The following GRIN1 variants were observed in gnomAD, a reference collection of about 807,000 sequenced individuals.
GRIN1 encodes glutamate receptor ionotropic, NMDA 1.
Under a neutral mutation model 103.0 loss-of-function variants are expected in GRIN1, and 38 were observed. That is an observed-to-expected ratio of 0.37 (90% CI 0.28 to 0.48). The LOEUF is 0.48. Among genes scored for constraint, GRIN1 ranks in the 20% least tolerant of loss-of-function variants. The probability of loss-of-function intolerance (pLI) is 0.98; values close to 1 mark genes in which losing one functional copy is unlikely to be tolerated. For synonymous variants in GRIN1, 544 were observed against 532.7 expected (o/e 1.02, Z -0.29); for missense variants, 577 against 1,288.9 (o/e 0.45, Z 8.46).
intron 3 of GRIN1, among the ~76,000 whole-genome samples, chr9:137,148,691 C>G (rs1832679937): frequency 6.6e-6 from 1 of 152,240 alleles, no homozygotes; most frequent in Non-Finnish European, 1.5e-5. Flanking sequence ...CCTCCTGAGT[C>G]TGGGTCCACT....
In GRIN1 at chr9:137,163,265, G is replaced by A. The variant is rs772050941; in HGVS notation, c.2268G>A (p.Ser756=). 1 of 1,613,766 alleles carries A rather than the reference G, an allele frequency of 6.2e-7. No individual in the cohort carries two copies. Among genetic ancestry groups the A allele is most frequent in the Non-Finnish European group, 8.5e-7 (1 of 1,179,956 alleles). Reference sequence around the variant, plus strand: ...CGACTGGAGAGCTGTTTTTCCGCTCGGGCTTCGGCATAGGCATGCGCAAAG... The same window carrying A: ...CGACTGGAGAGCTGTTTTTCCGCTCAGGCTTCGGCATAGGCATGCGCAAAG... ...LVTTGELFFR[S]GFGIGMRKDS... is the part of the protein sequence containing the mutation. The change falls in exon 16 of 20, where the codon TCG becomes TCA. Residue 756 remains serine, a synonymous_variant. Transcript: ENST00000371561.
chr9:137,162,095 A>AG lies in GRIN1; in HGVS notation c.1632+11dup. On this transcript the variant is annotated splice_region_variant and intron_variant, in intron 11 of 19. Transcript: ENST00000371561. ...GACTATTCTGGTCAAGAAGGTGGGCAGGGGCCGGGTGGCGGGGTGGCGGCG... is the reference window on the plus strand; with the variant it reads ...GACTATTCTGGTCAAGAAGGTGGGCAGGGGGCCGGGTGGCGGGGTGGCGGCG... 2.5e-6 allele frequency: 1 copy of AG among 394,312 alleles called. No homozygotes were observed. The highest frequency in any genetic ancestry group is 4.1e-6 in the Non-Finnish European group (1 of 242,704). The allele number at this position is 394,312 out of a possible 1,614,324, so 24.4% of individuals were successfully genotyped here.
Position 137,139,874 on chromosome 9 carries a change from C to G in GRIN1, c.258+130C>G. ...ACACCACCCCAGAGTCAGCTGGCTG[C>G]TTCCGGGAGGCCTCGTCTCACTAGG... On this transcript the variant is annotated intron_variant, in intron 1 of 19. Transcript: ENST00000371561. The surrounding 1 kb of genome is among the most constrained non-coding windows in gnomAD (Gnocchi z 7.7). The G allele has an allele frequency of 1.3e-6, 1 of 762,696 alleles. No homozygotes were observed. The highest frequency in any genetic ancestry group is 1.6e-5 in the South Asian group (1 of 63,866). The allele number at this position is 762,696 out of a possible 1,614,324, so 47.2% of individuals were successfully genotyped here. A position where few individuals can be genotyped will look rare whatever the true frequency, so the allele number is the denominator to read the frequency against.
chr9:137,167,181 G>A (rs1179393847), intron 19 of GRIN1, among the ~76,000 whole-genome samples: 1 of 152,144 alleles, frequency 6.6e-6, no homozygotes, highest in East Asian at 1.9e-4. Flanking sequence ...CTGGGGGTCT[G>A]GGCAGGGGAG....
rs1234541526 is a variant in GRIN1, at chr9:137,142,051, C to T, written c.297C>T (p.Asn99=). ...AILVSHPPTP[N]DHFTPTPVSY... ...TAGTTAGCCATCCACCTACCCCCAA[C>T]GACCACTTCACTCCCACCCCTGTCT... is the stretch of plus-strand genomic sequence containing the variant. Residue 99 remains asparagine, a synonymous_variant, in exon 2 of 20, where the codon AAC becomes AAT. Transcript: ENST00000371561. 5.6e-6 allele frequency: 9 copies of T among 1,614,020 alleles called. No individual in the cohort carries two copies. Among genetic ancestry groups the T allele is most frequent in the Non-Finnish European group, 5.9e-6 (7 of 1,179,978 alleles).
In GRIN1 at chr9:137,158,505, C is replaced by T. The variant is rs1321932582; in HGVS notation, c.1095C>T (p.Gly365=). The T allele has an allele frequency of 6.2e-7, 1 of 1,612,078 alleles. No homozygotes were observed. The highest frequency in any genetic ancestry group is 1.3e-5 in the African/African-American group (1 of 74,956). Residue 365 remains glycine, a synonymous_variant, in exon 7 of 20, where the codon GGC becomes GGT. Transcript: ENST00000371561. ...AGAACCGCAAGCTGGTGCAAGTGGG[C>T]ATCTACAATGGCACCCACGTAGGTG... The part of the protein sequence containing the change: ...NLQNRKLVQV[G]IYNGTHVIPN...
chr9:137,147,380 T>G (rs1832602214), intron 3 of GRIN1, among the ~76,000 whole-genome samples: 1 of 151,948 alleles, frequency 6.6e-6, no homozygotes, highest in Non-Finnish European at 1.5e-5. Flanking sequence ...TCACCCTTAC[T>G]TGCGCCAGCC....
intron 3 of GRIN1, among the ~76,000 whole-genome samples, chr9:137,148,802 A>C (rs1252363016): frequency 6.6e-6 from 1 of 152,226 alleles, no homozygotes; most frequent in Admixed American, 6.5e-5. Context: ...GTGAGCGCGC[A>C]GGCTGAAGAC....
rs780273600 is a variant in GRIN1, at chr9:137,162,491, C to T, written c.1839C>T (p.Val613=). ...LSSAMWFSWG[V]LLNSGIGEGA... Reference sequence around the variant, plus strand: ...CGGCCATGTGGTTCTCCTGGGGCGTCCTGCTCAACTCCGGCATCGGGGAAG... The same window carrying T: ...CGGCCATGTGGTTCTCCTGGGGCGTTCTGCTCAACTCCGGCATCGGGGAAG... The change falls in exon 13 of 20, where the codon GTC becomes GTT. Residue 613 remains valine, a synonymous_variant. Transcript: ENST00000371561. The T allele has an allele frequency of 1.2e-6, 2 of 1,611,964 alleles. No homozygotes were observed. Among genetic ancestry groups the T allele is most frequent in the East Asian group, 2.2e-5 (1 of 44,860 alleles).
At chr9:137,154,460 T>TG (rs1299897103) in intron 4 of GRIN1, among the ~76,000 whole-genome samples, 2 of 83,066 alleles carry the variant, frequency 2.4e-5, no homozygotes, top group African/African-American at 7.7e-5. Context: ...TTTTTTTTTT[T>TG]TTTTTTTTTT....
chr9:137,139,609 G>A lies in GRIN1; in HGVS notation c.123G>A (p.Met41Ile), dbSNP rs1832053827. Residue 41 changes from methionine (M) to isoleucine (I), a missense_variant, in exon 1 of 20, where the codon ATG (methionine) becomes ATA (isoleucine). This residue lies in a region of GRIN1 where 308 missense variants were observed against 553.6 expected (regional missense o/e 0.56). Transcript: ENST00000371561. This position sits in a 1 kb window ranked among gnomAD's most constrained non-coding sequence, Gnocchi z 7.7. ...TGAGCACGCGGAAGCACGAGCAGAT[G>A]TTCCGCGAGGCCGTGAACCAGGCCA... ...AVLSTRKHEQ[M>I]FREAVNQANK... is the part of the protein sequence containing the mutation. 1 of 1,613,612 alleles carries A rather than the reference G, an allele frequency of 6.2e-7. No homozygotes were observed. The highest frequency in any genetic ancestry group is 1.1e-5 in the South Asian group (1 of 91,090).
chr9:137,163,980 G>A (rs551541391), intron 18 of GRIN1, 76 bp downstream of exon 18: 29 of 1,529,018 alleles, frequency 1.9e-5, no homozygotes, highest in African/African-American at 8.2e-5. Flanking sequence ...CCCGAAGGCC[G>A]TGGCACTGGC....
At chr9:137,142,395 C>A (rs987911618) in intron 2 of GRIN1, among the ~76,000 whole-genome samples, 1 of 152,194 alleles carries the variant, frequency 6.6e-6, no homozygotes. Flanking sequence ...AGAGGGCTCA[C>A]GTGGAGCCCA....
rs888606799 is a variant in GRIN1, at chr9:137,168,038, C to T, written c.*511C>T. 4.7e-6 allele frequency: 3 copies of T among 633,172 alleles called. No homozygotes were observed. The highest frequency in any genetic ancestry group is 1.8e-5 in the South Asian group (1 of 54,616). The allele number at this position is 633,172 out of a possible 1,614,324, so 39.2% of individuals were successfully genotyped here. ...AGGTGCGGACCGGAGCGGCTGAGGA[C>T]GGGGCAGAGCTGAGTCGGCTGGGCA... On this transcript the variant is annotated 3_prime_UTR_variant, in exon 20 of 20. Coordinates refer to ENST00000371561, the MANE Select transcript of GRIN1 (RefSeq NM_007327.4).
chr9:137,160,301 G>A (rs1212686067), intron 8 of GRIN1, among the ~76,000 whole-genome samples: 1 of 152,218 alleles, frequency 6.6e-6, no homozygotes, highest in Non-Finnish European at 1.5e-5. Flanking sequence ...GTGCAGGGTC[G>A]GCTTTGTGGA....
intron 6 of GRIN1, among the ~76,000 whole-genome samples, chr9:137,157,860 C>T (rs928759642): frequency 5.9e-5 from 9 of 152,196 alleles, no homozygotes; most frequent in South Asian, 2.1e-4. Flanking sequence ...ACATGACACA[C>T]ATGTGACACA....
intron 8 of GRIN1, among the ~76,000 whole-genome samples, chr9:137,160,209 G>A (rs976345547): frequency 6.6e-6 from 1 of 152,232 alleles, no homozygotes; most frequent in East Asian, 1.9e-4. Context: ...GAGGGCTTCG[G>A]GACTGGGGGC....
chr9:137,144,349 G>A (rs1832340776), intron 2 of GRIN1, among the ~76,000 whole-genome samples: 1 of 147,712 alleles, frequency 6.8e-6, no homozygotes, highest in Admixed American at 6.7e-5. Context: ...AGGGGTCCCA[G>A]TGTCTAGAAA....
rs1200100785 is a variant in GRIN1, at chr9:137,168,630, G to A, written c.*1103G>A. On this transcript the variant is annotated 3_prime_UTR_variant, in exon 20 of 20. Coordinates refer to ENST00000371561, the MANE Select transcript of GRIN1 (RefSeq NM_007327.4). ...GAACCAGCACTCCCAGGGCCCGAGC[G>A]CGTGCCTTCCCCGTGCGGCCCGTGC... 1 of 348,382 alleles carries A rather than the reference G, an allele frequency of 2.9e-6. No homozygotes were observed. The highest frequency in any genetic ancestry group is 5.1e-6 in the Non-Finnish European group (1 of 197,472). 21.6% of individuals were successfully genotyped at this position (348,382 alleles called of 1,614,324 possible). A position where few individuals can be genotyped will look rare whatever the true frequency, so the allele number is the denominator to read the frequency against.
Sources: gnomAD v4.1 joint callset for allele counts (sites outside exome capture counted in the v4.1 genomes callset) on GRCh38, gnomAD v4.1.1 for gene constraint, gnomAD v4.1.1 regional missense constraint, Gnocchi (gnomAD v3.1) non-coding constraint, MANE v1.5 for transcripts, NCBI Gene and HGNC (gene_info 2026-07-23, HGNC 2026-07-21) for gene names.